The following GREB1L variants were observed in gnomAD, a reference collection of about 807,000 sequenced individuals.
GREB1L encodes GREB1-like protein.
A neutral mutation model predicts 200.8 loss-of-function variants in GREB1L; 17 were observed. The observed-to-expected ratio is 0.08, with a 90% CI of 0.06 to 0.13. GREB1L has a LOEUF of 0.13. Among genes scored for constraint, GREB1L ranks in the 10% least tolerant of loss-of-function variants. The probability of loss-of-function intolerance (pLI) is 1.00; values close to 1 mark genes in which losing one functional copy is unlikely to be tolerated. For synonymous variants in GREB1L, 789 were observed against 893.0 expected (o/e 0.88, Z 2.08); for missense variants, 1,657 against 2,367.7 (o/e 0.70, Z 6.23).
intron 15 of GREB1L, among the ~76,000 whole-genome samples, chr18:21,460,857 G>C (rs1371896095): frequency 6.6e-6 from 1 of 151,638 alleles, no homozygotes; most frequent in Non-Finnish European, 1.5e-5. Flanking sequence ...AGCACTTTGG[G>C]AGACTGAGTC....
chr18:21,429,470 G>A (rs2032974392), intron 7 of GREB1L, among the ~76,000 whole-genome samples: 1 of 151,432 alleles, frequency 6.6e-6, no homozygotes, highest in Non-Finnish European at 1.5e-5. Flanking sequence ...AGCCTCCTGA[G>A]TAGCTGGAAT....
intron 7 of GREB1L, among the ~76,000 whole-genome samples, chr18:21,438,509 A>C (rs1461192300): frequency 6.6e-6 from 1 of 151,980 alleles, no homozygotes; most frequent in African/African-American, 2.4e-5. Context: ...TTAAAAAAAA[A>C]ATCTTAAAAA....
At chr18:21,261,259 A>C (rs1218344635) in intron 1 of GREB1L, among the ~76,000 whole-genome samples, 2 of 152,062 alleles carry the variant, frequency 1.3e-5, no homozygotes, top group East Asian at 3.8e-4. Context: ...TTAGTCTGAT[A>C]CTGTAATTAT....
At chr18:21,500,436 T>C in intron 22 of GREB1L, 104 bp from the exon 23 acceptor site, 1 of 918,830 alleles carries the variant, frequency 1.1e-6, no homozygotes, top group South Asian at 1.4e-5. Context: ...TTCAGGCCTC[T>C]CAGGCAGGAG....
At chr18:21,454,312 G>A in intron 14 of GREB1L, 54 bp from the exon 15 acceptor site, 1 of 1,165,622 alleles carries the variant, frequency 8.6e-7, no homozygotes, top group Non-Finnish European at 1.2e-6. Context: ...GATTCACAGT[G>A]GCCATTAGGG....
intron 1 of GREB1L, among the ~76,000 whole-genome samples, chr18:21,345,871 C>CAAAAAA (rs34189374): frequency 1.3e-5 from 1 of 76,172 alleles, no homozygotes. Flanking sequence ...GACTCCATCT[C>CAAAAAA]AAAAAAAAAA....
intron 1 of GREB1L, among the ~76,000 whole-genome samples, chr18:21,320,321 T>C (rs1294810954): frequency 2.0e-5 from 3 of 152,104 alleles, no homozygotes; most frequent in African/African-American, 7.2e-5. Context: ...AGCCATACAC[T>C]AAAATATATA....
At chr18:21,372,482 A>AGATTTTTTTTGC (rs2039913976) in intron 2 of GREB1L, among the ~76,000 whole-genome samples, 1 of 151,752 alleles carries the variant, frequency 6.6e-6, no homozygotes, top group South Asian at 2.1e-4. Context: ...CTGACACGAG[A>AGATTTTTTTTGC]GATTTTTTTT....
At chr18:21,260,264 TAAAA>T (rs1448737077) in intron 1 of GREB1L, among the ~76,000 whole-genome samples, 3 of 151,960 alleles carry the variant, frequency 2.0e-5, no homozygotes, top group African/African-American at 7.2e-5. Flanking sequence ...TGAGCAGTAT[TAAAA>T]AACAATAGAC....
intron 17 of GREB1L, among the ~76,000 whole-genome samples, chr18:21,482,730 C>A (rs2035971515): frequency 6.8e-6 from 1 of 146,624 alleles, no homozygotes; most frequent in African/African-American, 2.5e-5. Flanking sequence ...CAAAGAACTG[C>A]CAAGAGGGTA....
At chr18:21,450,967 G>A (rs1392082786) in intron 12 of GREB1L, 56 bp from the exon 13 acceptor site, 1 of 1,516,634 alleles carries the variant, frequency 6.6e-7, no homozygotes, top group Non-Finnish European at 8.9e-7. Context: ...TATAAGTAAT[G>A]TTCCAGCAAC....
In GREB1L at chr18:21,485,715, C is replaced by T. The variant is rs369012735; in HGVS notation, c.2652C>T (p.Asp884=). 144 of 1,551,242 alleles carry T rather than the reference C, an allele frequency of 9.3e-5. No homozygotes were observed. Among genetic ancestry groups the T allele is most frequent in the Non-Finnish European group, 1.1e-4 (125 of 1,146,876 alleles). The change falls in exon 18 of 33, where the codon GAC becomes GAT. Residue 884 remains aspartate, a synonymous_variant. Coordinates refer to ENST00000424526, the MANE Select transcript of GREB1L (RefSeq NM_001142966.3). The part of the protein sequence containing the change: ...WGITSPLLRC[D]ETFEKMVNTL... ...TCACGAGCCCACTTCTGAGATGTGACGAGACTTTTGAAAAAATGGTGAACA... is the reference window on the plus strand; with the variant it reads ...TCACGAGCCCACTTCTGAGATGTGATGAGACTTTTGAAAAAATGGTGAACA...
chr18:21,445,633 A>G (rs2034175085), intron 11 of GREB1L, among the ~76,000 whole-genome samples: 1 of 152,242 alleles, frequency 6.6e-6, no homozygotes, highest in African/African-American at 2.4e-5. Context: ...AAAAGAAAGA[A>G]AAAAGCTTTA....
Position 21,508,118 on chromosome 18 carries a change from ATGTC to A in GREB1L, c.4372_4375del (p.Ser1458ThrfsTer54), listed in dbSNP as rs1262071397. 1 of 1,551,310 alleles carries A rather than the reference ATGTC, an allele frequency of 6.4e-7. No individual in the cohort carries two copies. The highest frequency in any genetic ancestry group is 1.4e-5 in the African/African-American group (1 of 73,006). On this transcript the variant is annotated frameshift_variant and splice_region_variant, in exon 26 of 33. Transcript: ENST00000424526. LOFTEE classifies it high-confidence loss of function. The stretch of plus-strand genomic sequence containing the variant: ...CTCCCTTTCTTCTTTGCAAATGTAG[ATGTC>A]TGACTCCACCCTTCATGCCTTCACA...
chr18:21,324,779 C>T (rs1324547429), intron 1 of GREB1L, among the ~76,000 whole-genome samples: 3 of 152,336 alleles, frequency 2.0e-5, no homozygotes, highest in Middle Eastern at 3.4e-3. Context: ...CACTGCACTC[C>T]AGCCTGGGCG....
At chr18:21,399,495 A>ATGGATG (rs1567979089) in intron 5 of GREB1L, among the ~76,000 whole-genome samples, 1 of 63,226 alleles carries the variant, frequency 1.6e-5, no homozygotes, top group African/African-American at 6.3e-5. Flanking sequence ...ATGGATGGAT[A>ATGGATG]GATGGATGGG....
rs529591705 is a variant in GREB1L at position 21,442,068 on chromosome 18, C to T, written c.1207+531C>T. Among the ~76,000 whole-genome samples the T allele has an allele frequency of 2.0e-5, 3 of 152,318 alleles. No homozygotes were observed. The South Asian group carries it at 6.2e-4, about 32-fold the overall frequency. The stretch of plus-strand genomic sequence containing the variant: ...AGCTGAAAGACCCTACTCAAGAGAA[C>T]CAAGAGGCCCTACAGTTGCAGGTCT... On this transcript the variant is annotated intron_variant, in intron 10 of 32. Coordinates refer to ENST00000424526, the MANE Select transcript of GREB1L (RefSeq NM_001142966.3).
In GREB1L at chr18:21,384,976, C is replaced by T. The variant is rs190050050; in HGVS notation, c.355+573C>T. Among the ~76,000 whole-genome samples the T allele has an allele frequency of 2.0e-4, 30 of 151,696 alleles. No homozygotes were observed. The East Asian group carries it at 4.6e-3, about 23-fold the overall frequency. ...CTTTTTATTTATTAGGGTCAACCTC[C>T]TCTTCCACCAAGGCTTCACACTTTA... On this transcript the variant is annotated intron_variant, in intron 4 of 32. Coordinates refer to ENST00000424526, the MANE Select transcript of GREB1L (RefSeq NM_001142966.3).
At chr18:21,508,627 G>A (rs1019880742) in intron 27 of GREB1L, 36 bp downstream of exon 27, 19 of 1,503,968 alleles carry the variant, frequency 1.3e-5, no homozygotes, top group Admixed American at 6.0e-5. Flanking sequence ...GAAGGGCTTC[G>A]AAGATAAACT....
Sources: gnomAD v4.1 joint callset for allele counts (sites outside exome capture counted in the v4.1 genomes callset) on GRCh38, gnomAD v4.1.1 for gene constraint, MANE v1.5 for transcripts, NCBI Gene and HGNC (gene_info 2026-07-23, HGNC 2026-07-21) for gene names.